Variants in SLC25A10 observed in about 807,000 individuals in gnomAD.
The protein encoded by SLC25A10 is solute carrier family 25 member 10.
Under a neutral mutation model 40.4 loss-of-function variants are expected in SLC25A10, and 32 were observed. The ratio of observed to expected loss-of-function variants is 0.79; its 90% confidence interval spans 0.60 to 1.06. The LOEUF (loss-of-function observed/expected upper bound fraction) is 1.06. Among genes scored for constraint, SLC25A10 ranks in the 50% least tolerant of loss-of-function variants. SLC25A10 has a pLI of 0.00. For missense variants in SLC25A10, 394 were observed against 402.6 expected, an observed-to-expected ratio of 0.98 and a Z score of 0.18; for synonymous variants, 181 against 171.1, an observed-to-expected ratio of 1.06 and a Z score of -0.45.
At chr17:81,716,935 G>A (rs2037499128) in intron 6 of SLC25A10, 67 bp from the exon 7 acceptor site, 1 of 1,606,474 alleles carries the variant, frequency 6.2e-7, no homozygotes, top group African/African-American at 1.3e-5. Flanking sequence ...TGGGCGCTGA[G>A]GGATTTGGGC....
At chr17:81,717,571 G>T in intron 8 of SLC25A10, 80 bp downstream of exon 8, 1 of 1,504,270 alleles carries the variant, frequency 6.6e-7, no homozygotes, top group Non-Finnish European at 9.2e-7. Flanking sequence ...GGCGAGGGCT[G>T]GGGGAGGCGG....
At chr17:81,713,628 C>A in intron 1 of SLC25A10, 2 of 312,488 alleles carry the variant, frequency 6.4e-6, no homozygotes, top group Non-Finnish European at 9.3e-6. Flanking sequence ...CAGGAAGGCG[C>A]TGGCATGGGC....
chr17:81,717,720 G>A (rs1445044139), intron 8 of SLC25A10, 64 bp from the exon 9 acceptor site: 3 of 1,558,238 alleles, frequency 1.9e-6, no homozygotes, highest in Non-Finnish European at 2.6e-6. Context: ...CTGGCACGTG[G>A]GTGGGATTCG....
intron 2 of SLC25A10, 57 bp from the exon 3 acceptor site, chr17:81,715,421 C>A: frequency 1.4e-6 from 2 of 1,466,966 alleles, no homozygotes; most frequent in South Asian, 1.1e-5. Flanking sequence ...GGCCGGGTGG[C>A]GAGGCTGAGG....
chr17:81,715,559 T>C lies in SLC25A10; in HGVS notation c.295T>C (p.Phe99Leu). Residue 99 changes from phenylalanine (F) to leucine (L), a missense_variant, in exon 3 of 11, where the codon TTC becomes CTC. By Grantham distance (22) the Phe-to-Leu change is conservative. Transcript: ENST00000350690. The part of the protein sequence containing the change: ...VAKGSQGPLP[F>L]HEKVLLGSVS... ...CAAGGGCAGCCAGGGGCCTCTCCCCTTCCACGAGAAGGTGTTGCTGGGCTC... is the reference window on the plus strand; with the variant it reads ...CAAGGGCAGCCAGGGGCCTCTCCCCCTCCACGAGAAGGTGTTGCTGGGCTC... The C allele has an allele frequency of 6.2e-7, 1 of 1,612,888 alleles. No individual in the cohort carries two copies. Among genetic ancestry groups the C allele is most frequent in the Non-Finnish European group, 8.5e-7 (1 of 1,179,838 alleles).
chr17:81,716,067 C>A lies in SLC25A10; in HGVS notation c.419+17C>A. 6.3e-7 allele frequency: 1 copy of A among 1,589,486 alleles called. No homozygotes were observed. The highest frequency in any genetic ancestry group is 2.3e-5 in the East Asian group (1 of 43,828). ...GCGGCGCAAGTGAGTCATGGGCGGC[C>A]TTCTCGGGGTGGTTGAGGTGCAGGA... On this transcript the variant is annotated intron_variant, in intron 5 of 10. Coordinates refer to ENST00000350690, the MANE Select transcript of SLC25A10 (RefSeq NM_012140.5).
chr17:81,717,443 G>C lies in SLC25A10; in HGVS notation c.579G>C (p.Gly193=). The stretch of plus-strand genomic sequence containing the variant: ...CCAAGCAGCTGGTCCTTAGCACCGG[G>C]TACCTCTCTGACAACATCTTCACTC... The part of the protein sequence containing the change: ...DQAKQLVLST[G]YLSDNIFTHF... Residue 193 remains glycine (G), a synonymous_variant, in exon 8 of 11, where the codon GGG becomes GGC. Coordinates refer to ENST00000350690, the MANE Select transcript of SLC25A10 (RefSeq NM_012140.5). 6.2e-7 allele frequency: 1 copy of C among 1,613,650 alleles called. No homozygotes were observed. Among genetic ancestry groups the C allele is most frequent in the Middle Eastern group, 1.6e-4 (1 of 6,062 alleles).
Position 81,720,398 on chromosome 17 carries a change from A to G in SLC25A10, c.*321A>G. On this transcript the variant is annotated 3_prime_UTR_variant, in exon 11 of 11. Transcript: ENST00000350690. ...TTTCTCCCCTCTCCTGGGCCAGGGG[A>G]GGGGTATTATCCCTGCCTCCTGCCC... The G allele has an allele frequency of 7.1e-7, 1 of 1,402,454 alleles. No individual in the cohort carries two copies. The highest frequency in any genetic ancestry group is 9.2e-7 in the Non-Finnish European group (1 of 1,084,832). 86.9% of individuals were successfully genotyped at this position (1,402,454 alleles called of 1,614,324 possible).
intron 8 of SLC25A10, 143 bp from the exon 9 acceptor site, chr17:81,717,641 G>A: frequency 7.8e-7 from 1 of 1,277,958 alleles, no homozygotes; most frequent in Non-Finnish European, 1.1e-6. Flanking sequence ...AGGGCTTTGG[G>A]AGCTCATGGG....
intron 2 of SLC25A10, 94 bp from the exon 3 acceptor site, chr17:81,715,384 C>T: frequency 1.8e-6 from 2 of 1,140,258 alleles, no homozygotes; most frequent in Non-Finnish European, 2.6e-6. Flanking sequence ...CCCTGTGGCC[C>T]CTCGGGCTGA....
At chr17:81,715,915 G>T (rs1433505808) in intron 4 of SLC25A10, 94 bp from the exon 5 acceptor site, 2 of 1,458,674 alleles carry the variant, frequency 1.4e-6, no homozygotes, top group Non-Finnish European at 1.9e-6. Context: ...CCTGTCCTGT[G>T]GGCCCCGCTG....
Position 81,717,492 on chromosome 17 carries a change from G to GT in SLC25A10, c.627+2dup. ...TCACTTTGTCGCCAGCTTTATTGCAGTAAGTGGCCGGCATGGCTAGGGTGG... is the reference window on the plus strand; with the variant it reads ...TCACTTTGTCGCCAGCTTTATTGCAGTTAAGTGGCCGGCATGGCTAGGGTGG... On this transcript the variant is annotated splice_donor_variant, in intron 8 of 10. Coordinates refer to ENST00000350690, the MANE Select transcript of SLC25A10 (RefSeq NM_012140.5). LOFTEE classifies it high-confidence loss of function. 1 of 1,613,574 alleles carries GT rather than the reference G, an allele frequency of 6.2e-7. No individual in the cohort carries two copies. Among genetic ancestry groups the GT allele is most frequent in the Non-Finnish European group, 8.5e-7 (1 of 1,179,840 alleles).
intron 9 of SLC25A10, 151 bp from the exon 10 acceptor site, chr17:81,719,680 G>C: frequency 1.1e-6 from 1 of 906,966 alleles, no homozygotes; most frequent in Admixed American, 2.0e-5. Context: ...CCTGTTACCA[G>C]CCAGCAGCCG....
chr17:81,715,940 C>G, intron 4 of SLC25A10, 69 bp from the exon 5 acceptor site: 1 of 1,518,712 alleles, frequency 6.6e-7, no homozygotes, highest in Non-Finnish European at 8.9e-7. Context: ...GCGTGAGCTC[C>G]CCTGTGCTGC....
rs762364752 is a variant in SLC25A10 at position 81,719,827 on chromosome 17, G to C, written c.706-4G>C. 1.9e-6 allele frequency: 3 copies of C among 1,613,066 alleles called. No individual in the cohort carries two copies. Among genetic ancestry groups the C allele is most frequent in the African/African-American group, 1.3e-5 (1 of 75,046 alleles). ...TTTTGATTGTTTCACTGCGTTTTCT[G>C]CAGGGCGTTTTCCACTGCGCCGTGG... is the stretch of plus-strand genomic sequence containing the variant. On this transcript the variant is annotated splice_polypyrimidine_tract_variant and splice_region_variant and intron_variant, in intron 9 of 10. Transcript: ENST00000350690.
At chr17:81,717,918 T>C in intron 9 of SLC25A10, 57 bp downstream of exon 9, 2 of 1,369,332 alleles carry the variant, frequency 1.5e-6, no homozygotes, top group Non-Finnish European at 2.0e-6. Flanking sequence ...TCCCCTCACC[T>C]CTCCGGGGGG....
chr17:81,718,975 C>T (rs765035402), intron 9 of SLC25A10, among the ~76,000 whole-genome samples: 7 of 151,526 alleles, frequency 4.6e-5, no homozygotes, highest in Non-Finnish European at 1.0e-4. Flanking sequence ...AAAAAAAACA[C>T]ATTTCTTTTC....
intron 6 of SLC25A10, 47 bp from the exon 7 acceptor site, chr17:81,716,955 G>GGCCTTACCCCTT: frequency 6.3e-7 from 1 of 1,588,478 alleles, no homozygotes; most frequent in African/African-American, 1.4e-5. Flanking sequence ...CCAGGTGCCT[G>GGCCTTACCCCTT]GCCTCACCCC....
In SLC25A10 at chr17:81,717,872, C is replaced by T. The variant is rs2037518510; in HGVS notation, c.705+11C>T. On this transcript the variant is annotated intron_variant, in intron 9 of 10. Transcript: ENST00000350690. ...AAGGGGGAGTATCAGGTGAGTGGGG[C>T]CCTGCCTGTGCAGTTGGGCTGCACA... is the stretch of plus-strand genomic sequence containing the variant. 1.3e-6 allele frequency: 2 copies of T among 1,598,252 alleles called. No individual in the cohort carries two copies. Among genetic ancestry groups the T allele is most frequent in the Middle Eastern group, 1.7e-4 (1 of 5,818 alleles).
Sources: allele counts gnomAD v4.1 joint callset (sites outside exome capture counted in the v4.1 genomes callset), GRCh38; gene constraint gnomAD v4.1.1; transcripts MANE v1.5; gene names NCBI Gene and HGNC (gene_info 2026-07-23, HGNC 2026-07-21).